The following CSMD3 variants were observed in gnomAD, a reference collection of about 807,000 sequenced individuals.
CSMD3 encodes CUB and Sushi multiple domains 3.
A neutral mutation model predicts 435.2 loss-of-function variants in CSMD3; 177 were observed. The ratio of observed to expected loss-of-function variants is 0.41; its 90% CI spans 0.36 to 0.46. The LOEUF is 0.46. Among genes scored for constraint, CSMD3 ranks in the 20% least tolerant of loss-of-function variants. The pLI, the probability that CSMD3 is intolerant of heterozygous loss-of-function variation, is 0.34. For missense variants in CSMD3, 4,265 were observed against 4,504.6 expected (o/e 0.95, Z 1.52); for synonymous variants, 1,656 against 1,520.5 (o/e 1.09, Z -2.07).
At chr8:112,453,009 G>A (rs1816456848) in intron 32 of CSMD3, among the ~76,000 whole-genome samples, 1 of 152,134 alleles carries the variant, frequency 6.6e-6, no homozygotes, top group African/African-American at 2.4e-5. Flanking sequence ...TGTGCTCAAT[G>A]CTTTAAATAA....
chr8:112,270,982 C>T (rs1045380814), intron 59 of CSMD3, among the ~76,000 whole-genome samples: 3 of 152,090 alleles, frequency 2.0e-5, no homozygotes, highest in Admixed American at 6.6e-5. Context: ...TTCATTCTTT[C>T]ATTCTCAAAT....
chr8:113,248,477 GTATATATACATA>G (rs2093300872), intron 3 of CSMD3, among the ~76,000 whole-genome samples: 1 of 133,006 alleles, frequency 7.5e-6, no homozygotes, highest in South Asian at 2.3e-4. Flanking sequence ...TGATATATAT[GTATATATACATA>G]TATATACACA....
intron 9 of CSMD3, among the ~76,000 whole-genome samples, chr8:112,924,616 A>T (rs2082854353): frequency 6.6e-6 from 1 of 151,264 alleles, no homozygotes; most frequent in African/African-American, 2.4e-5. Context: ...TAATAATAAT[A>T]ATTATAATTA....
intron 17 of CSMD3, 133 bp from the exon 18 acceptor site, chr8:112,656,474 A>C (rs189173618): frequency 1.7e-6 from 1 of 586,020 alleles, no homozygotes; most frequent in East Asian, 3.0e-5. Context: ...AGCTTATCTA[A>C]TATCTAAGAT....
chr8:112,449,494 A>G (rs373816996), intron 32 of CSMD3, among the ~76,000 whole-genome samples: 22 of 152,272 alleles, frequency 1.4e-4, no homozygotes, highest in African/African-American at 5.3e-4. Context: ...CTGAGTGCAG[A>G]GACAGAGAAT....
chr8:112,969,865 T>C (rs1171911574), intron 7 of CSMD3, among the ~76,000 whole-genome samples: 4 of 152,032 alleles, frequency 2.6e-5, no homozygotes, highest in Non-Finnish European at 5.9e-5. Context: ...AAACACATCT[T>C]AATTATTATT....
chr8:113,402,603 A>T (rs1478532454), intron 1 of CSMD3, among the ~76,000 whole-genome samples: 1 of 151,258 alleles, frequency 6.6e-6, no homozygotes, highest in East Asian at 1.9e-4. Flanking sequence ...ATCTTATTTA[A>T]TATCATCATC....
intron 1 of CSMD3, among the ~76,000 whole-genome samples, chr8:113,374,841 AAAAAAAC>A (rs571203903): frequency 0.27 from 9,413 of 34,560 alleles, 426 homozygotes; most frequent in Non-Finnish European, 0.36. Context: ...AAAAAAAAAA[AAAAAAAC>A]CAATAAAATG....
chr8:112,981,989 G>C (rs1019624143), intron 6 of CSMD3, among the ~76,000 whole-genome samples: 2 of 151,772 alleles, frequency 1.3e-5, no homozygotes, highest in Non-Finnish European at 3.0e-5. Context: ...AATATAATAA[G>C]AGTGTGCTAG....
intron 4 of CSMD3, among the ~76,000 whole-genome samples, chr8:113,158,653 T>C (rs1027724482): frequency 1.3e-5 from 2 of 152,040 alleles, no homozygotes; most frequent in East Asian, 3.9e-4. Flanking sequence ...ACTATCCACT[T>C]TGGGAACAGT....
chr8:112,592,447 T>C (rs1233814223), intron 22 of CSMD3, among the ~76,000 whole-genome samples: 1 of 151,948 alleles, frequency 6.6e-6, no homozygotes. Context: ...AAAAAAAGAG[T>C]TTAAACATTT....
rs561563772 is a variant in CSMD3 at position 112,248,290 on chromosome 8, A to G, written c.10111-1159T>C. On this transcript the variant is annotated intron_variant, in intron 63 of 70. Coordinates refer to ENST00000297405, the MANE Select transcript of CSMD3 (RefSeq NM_198123.2). ...TAGGCATGATGACTAAATTGGAGAC[A>G]TAAGTAAGAATTAGTTTCCGAAGGG... Among the ~76,000 whole-genome samples, 157 of 152,264 alleles carry G rather than the reference A, an allele frequency of 1.0e-3. 1 individual carries two copies. Among genetic ancestry groups the G allele is most frequent in the Middle Eastern group, 6.8e-3 (2 of 294 alleles).
chr8:113,143,932 A>G (rs892779154), intron 4 of CSMD3, among the ~76,000 whole-genome samples: 1 of 151,412 alleles, frequency 6.6e-6, no homozygotes, highest in African/African-American at 2.4e-5. Flanking sequence ...AGACATTATC[A>G]TTGGTAGAAA....
chr8:112,291,947 G>A (rs75550526), intron 55 of CSMD3, among the ~76,000 whole-genome samples: 6,609 of 151,910 alleles, frequency 0.044, 246 homozygotes, highest in East Asian at 0.16. Context: ...CGCTAAGTAC[G>A]AATTTTAAAA....
chr8:112,848,047 C>T (rs2080377023), intron 11 of CSMD3, among the ~76,000 whole-genome samples: 1 of 152,118 alleles, frequency 6.6e-6, no homozygotes, highest in African/African-American at 2.4e-5. Flanking sequence ...TCATCTCCTA[C>T]TAGAAAAGGC....
intron 6 of CSMD3, among the ~76,000 whole-genome samples, chr8:113,006,764 C>A (rs1384269595): frequency 6.6e-6 from 1 of 151,700 alleles, no homozygotes; most frequent in East Asian, 1.9e-4. Context: ...GGTAGAACTA[C>A]CTTAGCAGAA....
At chr8:113,249,542 T>C (rs1453258750) in intron 3 of CSMD3, among the ~76,000 whole-genome samples, 4 of 152,126 alleles carry the variant, frequency 2.6e-5, no homozygotes, top group Admixed American at 2.0e-4. Flanking sequence ...TTTCTATTTT[T>C]AAATCAAATT....
At chr8:113,150,250 T>A (rs190209530) in intron 4 of CSMD3, among the ~76,000 whole-genome samples, 46 of 152,066 alleles carry the variant, frequency 3.0e-4, no homozygotes, top group African/African-American at 1.1e-3. Flanking sequence ...GTTTTGTAGG[T>A]GTAATTATGG....
intron 25 of CSMD3, among the ~76,000 whole-genome samples, chr8:112,556,000 C>T (rs1828082655): frequency 6.6e-6 from 1 of 151,956 alleles, no homozygotes; most frequent in African/African-American, 2.4e-5. Context: ...TGAAGAATCA[C>T]TGCATATATG....
Sources: gnomAD v4.1 joint callset for allele counts (sites outside exome capture counted in the v4.1 genomes callset) on GRCh38, gnomAD v4.1.1 for gene constraint, MANE v1.5 for transcripts, NCBI Gene and HGNC (gene_info 2026-07-23, HGNC 2026-07-21) for gene names.